The following PTP4A3 variants were observed in gnomAD, a reference collection of about 807,000 sequenced individuals.
PTP4A3 encodes the protein protein tyrosine phosphatase type IVA 3.
In PTP4A3, 9 loss-of-function variants were observed where a neutral mutation model predicts 15.2. The observed-to-expected ratio is 0.59, with a 90% CI of 0.36 to 1.03. The LOEUF (loss-of-function observed/expected upper bound fraction) is 1.03. PTP4A3 is among the 50% of genes least tolerant of loss of function. PTP4A3 has a pLI of 0.02. For synonymous variants in PTP4A3, 95 were observed against 102.0 expected (o/e 0.93, Z 0.41); for missense variants, 234 against 252.1 (o/e 0.93, Z 0.49).
At position 141,425,093 on chromosome 8, in the gene PTP4A3, G is replaced by A. The variant is rs988000834; in HGVS notation, c.151G>A (p.Val51Met). 6.2e-7 allele frequency: 1 copy of A among 1,612,868 alleles called. No homozygotes were observed. The highest frequency in any genetic ancestry group is 8.5e-7 in the Non-Finnish European group (1 of 1,179,640). ...TACCACTGTGGTGCGTGTGTGTGAA[G>A]TGACCTATGACAAAACGCCGCTGGA... ...GATTVVRVCE[V>M]TYDKTPLEKD... The change falls in exon 3 of 6, where the codon GTG (valine) becomes ATG (methionine). Residue 51 changes from valine to methionine, a missense_variant. Physicochemically the swap from Val to Met is conservative, Grantham distance 21. Transcript: ENST00000521578. The surrounding 1 kb of genome is among the most constrained non-coding windows in gnomAD (Gnocchi z 4.2).
intron 1 of PTP4A3, among the ~76,000 whole-genome samples, chr8:141,397,404 C>A (rs1326132967): frequency 6.8e-6 from 1 of 146,096 alleles, no homozygotes; most frequent in Admixed American, 6.8e-5. Flanking sequence ...AAGGCCTGTC[C>A]TGGGTTGGGG....
chr8:141,422,190 C>T lies in PTP4A3; in HGVS notation c.-51C>T. 3 of 1,590,632 alleles carry T rather than the reference C, an allele frequency of 1.9e-6. No individual in the cohort carries two copies. Among genetic ancestry groups the T allele is most frequent in the Non-Finnish European group, 2.6e-6 (3 of 1,160,732 alleles). ...TGTGGGGACTTCTCAGGTCGTGTCC[C>T]CAGCCTTCTCTGCAGTCCCTTCTGC... On this transcript the variant is annotated 5_prime_UTR_variant, in exon 2 of 6. Coordinates refer to ENST00000521578, the MANE Select transcript of PTP4A3 (RefSeq NM_032611.3).
At chr8:141,416,240 C>A (rs965682841) in intron 1 of PTP4A3, among the ~76,000 whole-genome samples, 10 of 151,804 alleles carry the variant, frequency 6.6e-5, no homozygotes, top group African/African-American at 2.4e-4. Context: ...GAGCAGCTTA[C>A]CCCAGAGGTC....
chr8:141,427,708 T>G (rs1833644896), intron 4 of PTP4A3, 42 bp from the exon 5 acceptor site: 2 of 1,513,646 alleles, frequency 1.3e-6, no homozygotes, highest in East Asian at 4.9e-5. Flanking sequence ...GGGACAGGGG[T>G]GCGCAGGCTC....
chr8:141,403,822 C>T (rs1042622721), intron 1 of PTP4A3, among the ~76,000 whole-genome samples: 7 of 152,260 alleles, frequency 4.6e-5, no homozygotes, highest in African/African-American at 7.2e-5. Flanking sequence ...CAAAATCAAA[C>T]GATCACAAAC....
chr8:141,427,194 C>T, intron 4 of PTP4A3, 125 bp downstream of exon 4: 3 of 1,391,854 alleles, frequency 2.2e-6, no homozygotes, highest in Non-Finnish European at 2.9e-6. Flanking sequence ...AGGCCCATGC[C>T]CCTAGTGCTG....
chr8:141,423,978 CGTGACCAGGATCAGGGCTCAGTGT>C (rs1167865688), intron 2 of PTP4A3, among the ~76,000 whole-genome samples: 1 of 132,720 alleles, frequency 7.5e-6, no homozygotes, highest in Non-Finnish European at 1.6e-5. Flanking sequence ...AGGCTCAGGA[CGTGACCAGGATCAGGGCTCAGTGT>C]GTGACCAGGA....
At chr8:141,426,561 C>T (rs1833585646) in intron 3 of PTP4A3, 1 of 985,318 alleles carries the variant, frequency 1.0e-6, no homozygotes, top group South Asian at 4.7e-5. Context: ...GACCCAAAAC[C>T]TCTCAGGCTG....
intron 1 of PTP4A3, among the ~76,000 whole-genome samples, chr8:141,400,969 C>A (rs895846720): frequency 6.6e-6 from 1 of 151,994 alleles, no homozygotes; most frequent in Non-Finnish European, 1.5e-5. Flanking sequence ...CATCACAGTA[C>A]GGAGGGAGTC....
chr8:141,428,893 TAC>T (rs1189777549), intron 5 of PTP4A3, among the ~76,000 whole-genome samples: 1 of 152,200 alleles, frequency 6.6e-6, no homozygotes, highest in Non-Finnish European at 1.5e-5. Context: ...CTCAGGCATG[TAC>T]ACACGTGTGC....
intron 5 of PTP4A3, among the ~76,000 whole-genome samples, chr8:141,428,973 C>T (rs948032214): frequency 7.9e-5 from 12 of 152,382 alleles, no homozygotes; most frequent in Non-Finnish European, 1.2e-4. Context: ...CCCCACCCCA[C>T]GTCTCACCGA....
intron 2 of PTP4A3, among the ~76,000 whole-genome samples, chr8:141,423,886 C>T (rs1356325876): frequency 2.6e-5 from 4 of 151,410 alleles, no homozygotes; most frequent in South Asian, 4.2e-4. Flanking sequence ...CGGTATGTGA[C>T]CAGGATTAGG....
chr8:141,401,505 A>T (rs1027817965), intron 1 of PTP4A3, among the ~76,000 whole-genome samples: 10 of 152,112 alleles, frequency 6.6e-5, no homozygotes, highest in Non-Finnish European at 7.4e-5. Flanking sequence ...ATCTCAGCAG[A>T]TGCTCTGCTG....
intron 1 of PTP4A3, among the ~76,000 whole-genome samples, chr8:141,414,631 G>C (rs548436265): frequency 6.8e-6 from 1 of 146,006 alleles, no homozygotes; most frequent in Non-Finnish European, 1.5e-5. Flanking sequence ...TGGGGGGGGG[G>C]TAGGGACTGT....
At chr8:141,428,098 C>T (rs938738429) in intron 5 of PTP4A3, among the ~76,000 whole-genome samples, 3 of 151,988 alleles carry the variant, frequency 2.0e-5, no homozygotes, top group Admixed American at 2.0e-4. Flanking sequence ...CTCCTTCTGT[C>T]GCAGCCATCC....
intron 2 of PTP4A3, among the ~76,000 whole-genome samples, chr8:141,422,637 A>T (rs1160347286): frequency 6.6e-6 from 1 of 151,598 alleles, no homozygotes; most frequent in Non-Finnish European, 1.5e-5. Flanking sequence ...GCAGGGGGTG[A>T]GGCAGGGGGA....
intron 1 of PTP4A3, among the ~76,000 whole-genome samples, chr8:141,411,355 C>T (rs544039368): frequency 2.6e-5 from 4 of 152,350 alleles, no homozygotes; most frequent in Non-Finnish European, 5.9e-5. Flanking sequence ...GAAAGGCCAT[C>T]AGCACTGGTC....
rs1331230484 is a variant in PTP4A3, at chr8:141,430,888, G to C, written c.405-39G>C. 3.7e-6 allele frequency: 6 copies of C among 1,602,974 alleles called. No homozygotes were observed. The South Asian group carries it at 6.6e-5, about 18-fold the overall frequency. ...GGGGCAGGTGAGATGGCCGAGCCAG[G>C]TCCTTGGATGATCTCTGTTCCTGTT... On this transcript the variant is annotated intron_variant, in intron 5 of 5. Transcript: ENST00000521578.
At chr8:141,402,803 C>T (rs997358360) in intron 1 of PTP4A3, among the ~76,000 whole-genome samples, 1 of 152,058 alleles carries the variant, frequency 6.6e-6, no homozygotes, top group Non-Finnish European at 1.5e-5. Context: ...TAAAGCCCTC[C>T]CTGAGAGTGT....
Sources: allele counts gnomAD v4.1 joint callset (sites outside exome capture counted in the v4.1 genomes callset), GRCh38; gene constraint gnomAD v4.1.1; non-coding constraint Gnocchi (gnomAD v3.1); transcripts MANE v1.5; gene names NCBI Gene and HGNC (gene_info 2026-07-23, HGNC 2026-07-21).